The following EPB41 variants were observed in gnomAD, a reference collection of about 807,000 sequenced individuals.
EPB41 encodes erythrocyte membrane protein band 4.1.
EPB41 carries 65 observed loss-of-function variants against 108.0 expected under a neutral mutation model. The observed-to-expected ratio is 0.60, with a 90% CI of 0.49 to 0.74. The LOEUF is 0.74. Ranked by LOEUF, EPB41 falls within the 30% of genes least tolerant of loss-of-function variation. The pLI, the probability that EPB41 is intolerant of heterozygous loss-of-function variation, is 0.00. For synonymous variants in EPB41, 336 were observed against 358.9 expected (o/e 0.94, Z 0.72); for missense variants, 875 against 1,037.0 (o/e 0.84, Z 2.15).
chr1:29,104,482 C>T (rs941903900), intron 17 of EPB41, among the ~76,000 whole-genome samples: 2 of 152,162 alleles, frequency 1.3e-5, no homozygotes, highest in Admixed American at 6.6e-5. Flanking sequence ...GTGGCATGAC[C>T]ACAGTTCACT....
In EPB41 at chr1:28,993,444, A is replaced by G. The variant is rs1462111996; in HGVS notation, c.583A>G (p.Thr195Ala). 10 of 1,614,054 alleles carry G rather than the reference A, an allele frequency of 6.2e-6. No individual in the cohort carries two copies. The South Asian group carries it at 1.1e-4, about 18-fold the overall frequency. ...AGAAAGCCCTCAATCAAAAGCAGAA[A>G]CAGAATTAAAAGCTTCCCAAAAACC... ...KEESPQSKAETELKASQKPIR... is the reference protein window; with the variant it reads ...KEESPQSKAEAELKASQKPIR... The change falls in exon 3 of 21, where the codon ACA (threonine) becomes GCA (alanine). Residue 195 changes from threonine to alanine, a missense_variant. This residue lies in a region of EPB41 where 353 missense variants were observed against 393.2 expected (regional missense o/e 0.90). Transcript: ENST00000343067.
chr1:28,940,238 T>C (rs1286283475), intron 1 of EPB41, among the ~76,000 whole-genome samples: 1 of 152,214 alleles, frequency 6.6e-6, no homozygotes, highest in African/African-American at 2.4e-5. Flanking sequence ...AGAATAATTA[T>C]TAGAAGTGCC....
At chr1:29,087,838 G>T (rs1369486862) in intron 16 of EPB41, among the ~76,000 whole-genome samples, 2 of 152,034 alleles carry the variant, frequency 1.3e-5, no homozygotes, top group Non-Finnish European at 2.9e-5. Context: ...CCAAAACAAA[G>T]AAAATACTGA....
At chr1:29,090,240 G>T (rs1282465032) in intron 16 of EPB41, among the ~76,000 whole-genome samples, 1 of 152,176 alleles carries the variant, frequency 6.6e-6, no homozygotes, top group Admixed American at 6.6e-5. Flanking sequence ...TCCAGCCTGG[G>T]CGAAGAGCTT....
chr1:28,985,407 A>G (rs952995170), intron 1 of EPB41, among the ~76,000 whole-genome samples: 2 of 152,160 alleles, frequency 1.3e-5, no homozygotes, highest in African/African-American at 4.8e-5. Flanking sequence ...AGCTGGAGAG[A>G]GGGAAGAAAG....
chr1:28,901,142 G>A (rs1017891529), intron 1 of EPB41, among the ~76,000 whole-genome samples: 2 of 151,984 alleles, frequency 1.3e-5, no homozygotes, highest in Non-Finnish European at 2.9e-5. Context: ...TGTTAGCCAG[G>A]ATAGTCTCGA....
rs1335442552 is a variant in EPB41, at chr1:28,978,716, G to A, written c.-7-8715G>A. On this transcript the variant is annotated intron_variant, in intron 1 of 20. Coordinates refer to ENST00000343067, the MANE Select transcript of EPB41 (RefSeq NM_001376013.1). ...TATCATTAAATTGGCTGGGGGGCCC[G>A]GAAAGAACAAATAGAGAAGACACGT... 2.6e-5 allele frequency among the ~76,000 whole-genome samples: 4 copies of A among 151,352 alleles called. 1 individual carries two copies. The highest frequency in any genetic ancestry group is 2.1e-4 in the South Asian group (1 of 4,802).
At chr1:28,926,120 G>A (rs1460087544) in intron 1 of EPB41, among the ~76,000 whole-genome samples, 2 of 151,772 alleles carry the variant, frequency 1.3e-5, no homozygotes, top group East Asian at 1.9e-4. Context: ...CGAGGCAGGT[G>A]GATCACCTGA....
At chr1:28,971,510 AAC>A (rs2095496501) in intron 1 of EPB41, among the ~76,000 whole-genome samples, 1 of 152,136 alleles carries the variant, frequency 6.6e-6, no homozygotes, top group Non-Finnish European at 1.5e-5. Flanking sequence ...ACAAAATTTT[AAC>A]ACACTTGGCT....
chr1:28,888,499 A>T (rs1569775688), intron 1 of EPB41, among the ~76,000 whole-genome samples: 1 of 152,012 alleles, frequency 6.6e-6, no homozygotes, highest in African/African-American at 2.4e-5. Flanking sequence ...AGAATGACAG[A>T]CCCGCAAGTC....
intron 1 of EPB41, among the ~76,000 whole-genome samples, chr1:28,917,918 C>T (rs2092802183): frequency 6.6e-6 from 1 of 151,988 alleles, no homozygotes. Context: ...AGACATGAGC[C>T]ACCATGCCTG....
intron 1 of EPB41, among the ~76,000 whole-genome samples, chr1:28,917,278 G>A (rs2092751295): frequency 2.0e-5 from 3 of 151,490 alleles, no homozygotes; most frequent in Admixed American, 1.3e-4. Context: ...ATGTGTGTGT[G>A]TGTATTTATT....
chr1:29,112,308 CT>C (rs987327396), intron 18 of EPB41, 59 bp from the exon 19 acceptor site: 403 of 1,397,804 alleles, frequency 2.9e-4, no homozygotes, highest in Middle Eastern at 3.6e-4. Context: ...GCCTCTTTTT[CT>C]TTTTTTTTAA....
intron 6 of EPB41, among the ~76,000 whole-genome samples, chr1:29,016,956 A>G (rs1046516076): frequency 2.6e-5 from 4 of 152,212 alleles, no homozygotes; most frequent in African/African-American, 9.6e-5. Context: ...ACCTCTTTAA[A>G]AATCTGATTA....
chr1:29,030,095 A>G (rs1389375127), intron 7 of EPB41, among the ~76,000 whole-genome samples: 1 of 152,216 alleles, frequency 6.6e-6, no homozygotes, highest in African/African-American at 2.4e-5. Flanking sequence ...AGAAGGGGGC[A>G]GAACTAATGA....
chr1:28,910,176 T>C (rs2092157994), upstream of EPB41, among the ~76,000 whole-genome samples: 1 of 152,180 alleles, frequency 6.6e-6, no homozygotes, highest in African/African-American at 2.4e-5. Context: ...CTGGTGGCTT[T>C]ATAGTGACTT....
Position 29,064,919 on chromosome 1 carries a change from C to T in EPB41, c.2008-63C>T, listed in dbSNP as rs1197090466. 22 of 1,607,716 alleles carry T rather than the reference C, an allele frequency of 1.4e-5. No homozygotes were observed. The South Asian group carries it at 2.3e-4, about 17-fold the overall frequency. On this transcript the variant is annotated intron_variant, in intron 15 of 20. Transcript: ENST00000343067. ...CCAGTGCCCAGTCTCTGACGGGTTG[C>T]CCTTGATTATGTTCTTTGTCCTGAT...
At chr1:29,101,811 G>A (rs372124038) in intron 17 of EPB41, among the ~76,000 whole-genome samples, 16 of 152,272 alleles carry the variant, frequency 1.1e-4, no homozygotes, top group African/African-American at 3.6e-4. Context: ...TGAGGCGGAG[G>A]CTCCCTTGAG....
chr1:28,915,731 C>CTTTTTTT (rs11321625), intron 1 of EPB41, among the ~76,000 whole-genome samples: 111 of 56,064 alleles, frequency 2.0e-3, no homozygotes, highest in Non-Finnish European at 2.5e-3. Context: ...TTTTCAGATG[C>CTTTTTTT]TTTTTTTTTT....
Sources: gnomAD v4.1 joint callset for allele counts (sites outside exome capture counted in the v4.1 genomes callset) on GRCh38, gnomAD v4.1.1 for gene constraint, gnomAD v4.1.1 regional missense constraint, MANE v1.5 for transcripts, NCBI Gene and HGNC (gene_info 2026-07-23, HGNC 2026-07-21) for gene names.